Variants in CACNG8 observed in about 807,000 individuals in gnomAD.
CACNG8 encodes the protein voltage-dependent calcium channel gamma-8 subunit.
A neutral mutation model predicts 26.9 loss-of-function variants in CACNG8; 5 were observed. The observed-to-expected ratio is 0.19, with a 90% confidence interval of 0.10 to 0.39. The LOEUF (loss-of-function observed/expected upper bound fraction) is 0.39, where lower values mean the gene tolerates loss of function less well. CACNG8 is among the 10% of genes least tolerant of loss of function. CACNG8 has a pLI of 1.00. For missense variants in CACNG8, 473 were observed against 609.4 expected, an observed-to-expected ratio of 0.78 and a Z score of 2.36; for synonymous variants, 321 against 296.7, an observed-to-expected ratio of 1.08 and a Z score of -0.84.
At chr19:53,968,050 C>A (rs2069281185) in intron 1 of CACNG8, among the ~76,000 whole-genome samples, 1 of 151,882 alleles carries the variant, frequency 6.6e-6, no homozygotes, top group African/African-American at 2.4e-5. Flanking sequence ...GGGGCATCAT[C>A]ATATAGATGA....
chr19:53,963,326 G>A lies in CACNG8; in HGVS notation c.184G>A (p.Asp62Asn), dbSNP rs777195304. The A allele has an allele frequency of 6.2e-7, 1 of 1,601,518 alleles. No individual in the cohort carries two copies. Among genetic ancestry groups the A allele is most frequent in the South Asian group, 1.1e-5 (1 of 90,642 alleles). ...CACCACCAACCTCACGGCCGGCGGC[G>A]ACGACGGGACCCCCCACCGCGGGGG... is the stretch of plus-strand genomic sequence containing the variant. The change falls in exon 1 of 4, where the codon GAC becomes AAC. Residue 62 changes from aspartate to asparagine, a missense_variant. Around this residue, in one of 6 missense-constraint regions of CACNG8, gnomAD observed 69 missense variants for 66.7 expected, o/e 1.03. Coordinates refer to ENST00000270458, the MANE Select transcript of CACNG8 (RefSeq NM_031895.6).
chr19:53,978,273 C>A, intron 2 of CACNG8, 44 bp downstream of exon 2: 1 of 1,535,090 alleles, frequency 6.5e-7, no homozygotes, highest in Non-Finnish European at 9.0e-7. Context: ...GGTCAAATCG[C>A]GGGGCCTGGA....
Position 53,982,636 on chromosome 19 carries a change from C to A in CACNG8, c.1065C>A (p.Ala355=). 1 of 1,024,100 alleles carries A rather than the reference C, an allele frequency of 9.8e-7. No homozygotes were observed. Among genetic ancestry groups the A allele is most frequent in the South Asian group, 4.5e-5 (1 of 22,406 alleles). 63.4% of individuals were successfully genotyped at this position (1,024,100 alleles called of 1,614,324 possible). The change falls in exon 4 of 4, where the codon GCC becomes GCA. Residue 355 remains alanine (A), a synonymous_variant. Transcript: ENST00000270458. The surrounding 1 kb of genome is among the most constrained non-coding windows in gnomAD (Gnocchi z 8.4). ...GCGGAGGCGGCGGCGGGGCGGGTGC[C>A]GAGCGGGACCGCGGGGGGGCGTCCG...
rs1295015908 is a variant in CACNG8 at position 53,985,918 on chromosome 19, GTC to G, written c.*3071_*3072del. 1.4e-5 allele frequency: 2 copies of G among 146,514 alleles called. No homozygotes were observed. The highest frequency in any genetic ancestry group is 1.5e-5 in the Non-Finnish European group (1 of 67,074). The allele number at this position is 146,514 out of a possible 1,614,324, so 9.1% of individuals were successfully genotyped here. A position where few individuals can be genotyped will look rare whatever the true frequency, so the allele number is the denominator to read the frequency against. On this transcript the variant is annotated 3_prime_UTR_variant, in exon 4 of 4. Coordinates refer to ENST00000270458, the MANE Select transcript of CACNG8 (RefSeq NM_031895.6). Reference sequence around the variant, plus strand: ...TGGTTAGGGGAGAATGGATTCTAGAGTCTGAAGGCCAAACAGAACGAGAGAGA... The same window carrying G: ...TGGTTAGGGGAGAATGGATTCTAGAGTGAAGGCCAAACAGAACGAGAGAGA...
At chr19:53,968,110 C>T (rs1181696053) in intron 1 of CACNG8, among the ~76,000 whole-genome samples, 1 of 152,030 alleles carries the variant, frequency 6.6e-6, no homozygotes, top group African/African-American at 2.4e-5. Context: ...TGCAGTGGCT[C>T]ACACCTATAA....
At chr19:53,980,077 T>TGC (rs2069355724) in intron 3 of CACNG8, 70 bp downstream of exon 3, 1 of 1,432,688 alleles carries the variant, frequency 7.0e-7, no homozygotes, top group Non-Finnish European at 9.3e-7. Flanking sequence ...TGTGTGTGTG[T>TGC]GTGTGTGTGC....
intron 1 of CACNG8, among the ~76,000 whole-genome samples, chr19:53,966,567 C>T (rs1314400739): frequency 6.6e-6 from 1 of 151,934 alleles, no homozygotes; most frequent in African/African-American, 2.4e-5. Context: ...CACATGCCCC[C>T]ATTTTTTGTA....
At chr19:53,980,602 A>G (rs980736963) in intron 3 of CACNG8, among the ~76,000 whole-genome samples, 2 of 152,154 alleles carry the variant, frequency 1.3e-5, no homozygotes, top group African/African-American at 2.4e-5. Context: ...AGGAGAGGCT[A>G]GAAAAGACGG....
rs2069406301 is a variant in CACNG8 at position 53,986,113 on chromosome 19, C to G, written c.*3264C>G. On this transcript the variant is annotated 3_prime_UTR_variant, in exon 4 of 4. Coordinates refer to ENST00000270458, the MANE Select transcript of CACNG8 (RefSeq NM_031895.6). ...AGAGAAGAGGAAGAGGAGAGACTGA[C>G]AGGTGCACAAATCAGAGAAGTCCCA... 1 of 152,532 alleles carries G rather than the reference C, an allele frequency of 6.6e-6. No individual in the cohort carries two copies. Among genetic ancestry groups the G allele is most frequent in the South Asian group, 2.1e-4 (1 of 4,816 alleles). 9.4% of individuals were successfully genotyped at this position (152,532 alleles called of 1,614,324 possible). A position where few individuals can be genotyped will look rare whatever the true frequency, so the allele number is the denominator to read the frequency against.
In CACNG8 at chr19:53,965,324, G is replaced by A. The variant is rs1030747683; in HGVS notation, c.283+1899G>A. The stretch of plus-strand genomic sequence containing the variant: ...CAAGCCTGTGTTCTACCCTGACCAC[G>A]ATGGGCCGGATCTGAGCAGCAGCTG... On this transcript the variant is annotated intron_variant, in intron 1 of 3. Coordinates refer to ENST00000270458, the MANE Select transcript of CACNG8 (RefSeq NM_031895.6). Among the ~76,000 whole-genome samples the A allele has an allele frequency of 2.6e-5, 4 of 152,156 alleles. No homozygotes were observed. In the East Asian group the frequency reaches 5.8e-4, roughly 22 times the overall value.
intron 1 of CACNG8, among the ~76,000 whole-genome samples, chr19:53,968,173 G>A (rs1471159959): frequency 2.0e-5 from 3 of 152,004 alleles, no homozygotes; most frequent in East Asian, 1.9e-4. Flanking sequence ...CCAGGAGTTC[G>A]AGACCAGCCA....
intron 1 of CACNG8, among the ~76,000 whole-genome samples, chr19:53,966,343 C>T (rs1201867639): frequency 5.3e-5 from 8 of 152,108 alleles, no homozygotes; most frequent in African/African-American, 1.4e-4. Context: ...CCGCCTAGGC[C>T]TCCCAAAGTG....
intron 1 of CACNG8, among the ~76,000 whole-genome samples, chr19:53,974,894 C>T (rs1005322957): frequency 6.0e-5 from 9 of 150,670 alleles, no homozygotes; most frequent in Non-Finnish European, 1.2e-4. Context: ...CCCACCTCGG[C>T]CTCTCAAAGT....
intron 1 of CACNG8, among the ~76,000 whole-genome samples, chr19:53,964,575 T>A (rs2069261889): frequency 6.6e-6 from 1 of 152,064 alleles, no homozygotes; most frequent in African/African-American, 2.4e-5. Flanking sequence ...CTGCCCCTGC[T>A]ACCTCCTCGG....
At chr19:53,975,540 C>T (rs1252161241) in intron 1 of CACNG8, among the ~76,000 whole-genome samples, 4 of 152,068 alleles carry the variant, frequency 2.6e-5, no homozygotes, top group African/African-American at 9.7e-5. Context: ...CCCCCACACC[C>T]GGCTAACTTT....
chr19:53,984,266 G>A lies in CACNG8; in HGVS notation c.*1417G>A, dbSNP rs895039962. On this transcript the variant is annotated 3_prime_UTR_variant, in exon 4 of 4. Coordinates refer to ENST00000270458, the MANE Select transcript of CACNG8 (RefSeq NM_031895.6). The stretch of plus-strand genomic sequence containing the variant: ...AAGTGTGTTAGGATCCAGATCCCCA[G>A]GGGTGAAACAGACTCTAGCCCTGCT... The A allele has an allele frequency of 6.6e-6, 1 of 152,236 alleles. No homozygotes were observed. Among genetic ancestry groups the A allele is most frequent in the African/African-American group, 2.4e-5 (1 of 41,438 alleles). The allele number at this position is 152,236 out of a possible 1,614,324, so 9.4% of individuals were successfully genotyped here.
At position 53,982,895 on chromosome 19, in the gene CACNG8, GGCGCGCGT is replaced by G; in HGVS notation, c.*49_*56del. 8.3e-7 allele frequency: 1 copy of G among 1,201,428 alleles called. No individual in the cohort carries two copies. Among genetic ancestry groups the G allele is most frequent in the Non-Finnish European group, 1.0e-6 (1 of 964,090 alleles). The allele number at this position is 1,201,428 out of a possible 1,614,324, so 74.4% of individuals were successfully genotyped here. ...GGGGCGTGTCCGGGGCGCGTGCGCGGGCGCGCGTGCATCGAGGCTGCCGGGGTCGGGGG... is the reference window on the plus strand; with the variant it reads ...GGGGCGTGTCCGGGGCGCGTGCGCGGGCATCGAGGCTGCCGGGGTCGGGGG... On this transcript the variant is annotated 3_prime_UTR_variant, in exon 4 of 4. Coordinates refer to ENST00000270458, the MANE Select transcript of CACNG8 (RefSeq NM_031895.6). The surrounding 1 kb of genome is among the most constrained non-coding windows in gnomAD (Gnocchi z 8.4).
At position 53,982,547 on chromosome 19, in the gene CACNG8, G is replaced by T; in HGVS notation, c.976G>T (p.Gly326Cys). Residue 326 changes from glycine to cysteine, a missense_variant, in exon 4 of 4, where the codon GGC becomes TGC. Physicochemically the swap from Gly to Cys is radical, Grantham distance 159. This residue lies in a region of CACNG8 where 212 missense variants were observed against 214.4 expected (regional missense o/e 0.99). Coordinates refer to ENST00000270458, the MANE Select transcript of CACNG8 (RefSeq NM_031895.6). This position sits in a 1 kb window ranked among gnomAD's most constrained non-coding sequence, Gnocchi z 8.4. ...CGTGGCCGCGGGGCTGGCGGGGGCC[G>T]GCGGCGGCGGCGGCGGCGCCGTGGG... 1 of 1,135,020 alleles carries T rather than the reference G, an allele frequency of 8.8e-7. No individual in the cohort carries two copies. 70.3% of individuals were successfully genotyped at this position (1,135,020 alleles called of 1,614,324 possible). A position where few individuals can be genotyped will look rare whatever the true frequency, so the allele number is the denominator to read the frequency against.
chr19:53,980,154 G>C (rs2069356923), intron 3 of CACNG8, 147 bp downstream of exon 3: 1 of 862,278 alleles, frequency 1.2e-6, no homozygotes, highest in Non-Finnish European at 1.6e-6. Context: ...GAGCACCCCC[G>C]GGGGCCCGGA....
Sources: gnomAD v4.1 joint callset for allele counts (sites outside exome capture counted in the v4.1 genomes callset) on GRCh38, gnomAD v4.1.1 for gene constraint, gnomAD v4.1.1 regional missense constraint, Gnocchi (gnomAD v3.1) non-coding constraint, MANE v1.5 for transcripts, NCBI Gene and HGNC (gene_info 2026-07-23, HGNC 2026-07-21) for gene names.